The following VPS13D variants were observed in gnomAD, a reference collection of about 807,000 sequenced individuals.
The protein encoded by VPS13D is vacuolar protein sorting 13 homolog D.
In VPS13D, 187 loss-of-function variants were observed where a neutral mutation model predicts 461.9. That is an observed-to-expected ratio of 0.40 (90% CI 0.36 to 0.46). The LOEUF (loss-of-function observed/expected upper bound fraction) is 0.46, where lower values mean the gene tolerates loss of function less well. Among genes scored for constraint, VPS13D ranks in the 20% least tolerant of loss-of-function variants. The pLI, the probability that VPS13D is intolerant of heterozygous loss-of-function variation, is 0.60. For missense variants in VPS13D, 4,711 were observed against 5,364.9 expected (o/e 0.88, Z 3.81); for synonymous variants, 1,951 against 1,986.3 (o/e 0.98, Z 0.47).
intron 54 of VPS13D, among the ~76,000 whole-genome samples, chr1:12,373,111 T>G (rs1223349924): frequency 1.4e-5 from 2 of 142,722 alleles, no homozygotes; most frequent in Non-Finnish European, 3.0e-5. Flanking sequence ...TTTTTTTTTT[T>G]TTTTTTTTTT....
At chr1:12,425,300 G>A (rs1644911027) in intron 65 of VPS13D, among the ~76,000 whole-genome samples, 3 of 152,132 alleles carry the variant, frequency 2.0e-5, no homozygotes, top group Non-Finnish European at 1.5e-5. Context: ...ACTGACACCT[G>A]TAATCCCAGC....
intron 54 of VPS13D, among the ~76,000 whole-genome samples, chr1:12,370,974 C>T (rs1644107143): frequency 6.6e-6 from 1 of 152,042 alleles, no homozygotes. Flanking sequence ...GTTGAACCAT[C>T]TTTTGGAGTA....
chr1:12,352,965 C>CAAAAAAAA lies in VPS13D; in HGVS notation c.9432-985_9432-978dup, dbSNP rs61588046. On this transcript the variant is annotated intron_variant, in intron 46 of 69. Transcript: ENST00000620676. ...GGGCAATAAGAGTGAAACTCAGTCT[C>CAAAAAAAA]AAAAAAAAAAAAAAAAAAAAAAAAA... Among the ~76,000 whole-genome samples the CAAAAAAAA allele has an allele frequency of 9.0e-3, 159 of 17,586 alleles. 33 individuals are homozygous for CAAAAAAAA. The highest frequency in any genetic ancestry group is 0.014 in the South Asian group (3 of 218). 11.5% of individuals were successfully genotyped at this position (17,586 alleles called of 152,430 possible).
At chr1:12,255,725 T>C (rs1013408270) in intron 7 of VPS13D, among the ~76,000 whole-genome samples, 21 of 151,624 alleles carry the variant, frequency 1.4e-4, no homozygotes, top group African/African-American at 5.1e-4. Context: ...ACCCCATCTG[T>C]ACTAAAAATA....
intron 57 of VPS13D, among the ~76,000 whole-genome samples, chr1:12,380,845 C>G (rs1488169281): frequency 6.6e-6 from 1 of 152,160 alleles, no homozygotes; most frequent in African/African-American, 2.4e-5. Flanking sequence ...CTTTTTTCAT[C>G]AAAGACAAGC....
At chr1:12,474,403 T>C (rs1443860862) in intron 67 of VPS13D, among the ~76,000 whole-genome samples, 1 of 152,158 alleles carries the variant, frequency 6.6e-6, no homozygotes, top group African/African-American at 2.4e-5. Context: ...GTGGGGCTCT[T>C]GGAACTGTCG....
At chr1:12,407,212 T>C (rs1034296535) in intron 63 of VPS13D, 1 of 152,250 alleles carries the variant, frequency 6.6e-6, no homozygotes, top group Admixed American at 6.5e-5. Context: ...ATAAACAGTC[T>C]CTATGTACCA....
Position 12,321,998 on chromosome 1 carries a change from T to G in VPS13D, c.7704+34T>G, listed in dbSNP as rs542731517. On this transcript the variant is annotated intron_variant, in intron 33 of 69. Transcript: ENST00000620676. ...GCAAAATCTGTGCAATACGTTGATATGCTCTCAAACACTGTCCTATGCAGG... is the reference window on the plus strand; with the variant it reads ...GCAAAATCTGTGCAATACGTTGATAGGCTCTCAAACACTGTCCTATGCAGG... 4 of 1,611,110 alleles carry G rather than the reference T, an allele frequency of 2.5e-6. No individual in the cohort carries two copies. In the Admixed American group the frequency reaches 6.7e-5, roughly 27 times the overall value.
intron 65 of VPS13D, among the ~76,000 whole-genome samples, chr1:12,429,431 T>C (rs1644965118): frequency 1.3e-5 from 2 of 152,138 alleles, no homozygotes; most frequent in Admixed American, 6.5e-5. Flanking sequence ...TAGCTGGGAT[T>C]ACAGGCACCC....
intron 65 of VPS13D, among the ~76,000 whole-genome samples, chr1:12,444,235 A>G (rs1645166235): frequency 6.6e-6 from 1 of 152,144 alleles, no homozygotes; most frequent in East Asian, 1.9e-4. Context: ...TTGTTGTTCC[A>G]TCCATTTCTC....
intron 67 of VPS13D, among the ~76,000 whole-genome samples, chr1:12,481,897 G>A (rs1189500956): frequency 6.6e-6 from 1 of 152,188 alleles, no homozygotes; most frequent in Non-Finnish European, 1.5e-5. Flanking sequence ...CATTCATTGA[G>A]TACCCCTGTC....
intron 57 of VPS13D, among the ~76,000 whole-genome samples, chr1:12,381,241 G>A (rs977947297): frequency 1.3e-5 from 2 of 152,164 alleles, no homozygotes; most frequent in African/African-American, 4.8e-5. Flanking sequence ...GGTTGTATAT[G>A]CTCTTTCTTT....
chr1:12,486,047 G>A (rs1457692659), intron 67 of VPS13D, among the ~76,000 whole-genome samples: 1 of 152,150 alleles, frequency 6.6e-6, no homozygotes, highest in Non-Finnish European at 1.5e-5. Flanking sequence ...ACACCCAGGC[G>A]CTATGGCAAG....
intron 40 of VPS13D, among the ~76,000 whole-genome samples, chr1:12,341,281 A>G (rs903605297): frequency 2.0e-5 from 3 of 152,234 alleles, no homozygotes; most frequent in South Asian, 2.1e-4. Flanking sequence ...AAAAACAACT[A>G]TTAGTATAAA....
chr1:12,424,381 G>A (rs1371129363), intron 65 of VPS13D, among the ~76,000 whole-genome samples: 3 of 152,012 alleles, frequency 2.0e-5, no homozygotes, highest in South Asian at 2.1e-4. Flanking sequence ...GCTCTTTTTG[G>A]TTAGAAGCAA....
At chr1:12,504,148 AAAAG>A (rs1210262548) in intron 68 of VPS13D, among the ~76,000 whole-genome samples, 2 of 152,150 alleles carry the variant, frequency 1.3e-5, no homozygotes, top group East Asian at 3.9e-4. Context: ...TTTTGTAAAA[AAAAG>A]AAAAAGAAAA....
chr1:12,359,851 C>T (rs1643924434), intron 50 of VPS13D, among the ~76,000 whole-genome samples: 1 of 152,208 alleles, frequency 6.6e-6, no homozygotes, highest in Non-Finnish European at 1.5e-5. Context: ...CTTGTTCTCA[C>T]TTTCGTTTGC....
At position 12,368,555 on chromosome 1, in the gene VPS13D, G is replaced by T. The variant is rs2101625287; in HGVS notation, c.10536G>T (p.Gln3512His). ...TYRISFSDTD[Q>H]LPPPFRIDNF... Reference sequence around the variant, plus strand: ...GGATCTCATTTAGTGACACAGATCAGTTACCTCCTCCTTTCCGAATTGACA... The same window carrying T: ...GGATCTCATTTAGTGACACAGATCATTTACCTCCTCCTTTCCGAATTGACA... Residue 3512 changes from glutamine (Q) to histidine (H), a missense_variant, in exon 53 of 70, where the codon CAG becomes CAT. Transcript: ENST00000620676. The T allele has an allele frequency of 6.2e-7, 1 of 1,613,702 alleles. No homozygotes were observed. Among genetic ancestry groups the T allele is most frequent in the Non-Finnish European group, 8.5e-7 (1 of 1,179,790 alleles).
chr1:12,476,793 C>G (rs1337685171), intron 67 of VPS13D, among the ~76,000 whole-genome samples: 2 of 152,320 alleles, frequency 1.3e-5, no homozygotes, highest in South Asian at 2.1e-4. Context: ...GGCACCTCCT[C>G]TCTACCCTGC....
Sources: gnomAD v4.1 joint callset for allele counts (sites outside exome capture counted in the v4.1 genomes callset) on GRCh38, gnomAD v4.1.1 for gene constraint, MANE v1.5 for transcripts, NCBI Gene and HGNC (gene_info 2026-07-23, HGNC 2026-07-21) for gene names.